LPA: variants seen among roughly 807,000 people sequenced by gnomAD.
The protein encoded by LPA is lipoprotein(a).
LPA carries 199 observed loss-of-function variants against 197.9 expected under a neutral mutation model. The observed-to-expected ratio is 1.01, with a 90% CI of 0.90 to 1.13. The LOEUF (loss-of-function observed/expected upper bound fraction) is 1.13. LPA is among the 50% of genes most tolerant of loss of function. The pLI is 0.00. For synonymous variants in LPA, 715 were observed against 639.5 expected, an observed-to-expected ratio of 1.12 and a Z score of -1.78; for missense variants, 1,853 against 1,785.8, an observed-to-expected ratio of 1.04 and a Z score of -0.68.
intron 16 of LPA, among the ~76,000 whole-genome samples, chr6:160,607,630 C>T (rs148384419): frequency 6.6e-6 from 1 of 152,264 alleles, no homozygotes; most frequent in Non-Finnish European, 1.5e-5. Context: ...TCTATCCTCA[C>T]ATTCATGACC....
At chr6:160,648,788 G>T (rs1050687447) in intron 2 of LPA, among the ~76,000 whole-genome samples, 2 of 151,944 alleles carry the variant, frequency 1.3e-5, no homozygotes, top group Non-Finnish European at 1.5e-5. Context: ...TCTGGATAAG[G>T]TGTCTGTTGC....
chr6:160,562,651 T>C (rs1778382540), intron 28 of LPA, among the ~76,000 whole-genome samples: 3 of 152,216 alleles, frequency 2.0e-5, no homozygotes, highest in African/African-American at 4.8e-5. Context: ...TAGTACTAGC[T>C]CTTCTTTGTA....
chr6:160,547,232 T>G (rs1391961066), intron 32 of LPA, among the ~76,000 whole-genome samples: 2 of 152,152 alleles, frequency 1.3e-5, no homozygotes, highest in African/African-American at 4.8e-5. Context: ...TGGTCCCATC[T>G]GGGGGTGATG....
In LPA at chr6:160,609,676, C is replaced by G. The variant is rs542388467; in HGVS notation, c.2603+1886G>C. Among the ~76,000 whole-genome samples the G allele has an allele frequency of 1.9e-4, 29 of 152,120 alleles. No individual in the cohort carries two copies. The South Asian group carries it at 5.6e-3, about 29-fold the overall frequency. The stretch of plus-strand genomic sequence containing the variant: ...TTGCTCTTTACTGTGACTTGCTTCC[C>G]ACATGCAGGAAATCTTCTTATATTT... On this transcript the variant is annotated intron_variant, in intron 16 of 38. Transcript: ENST00000316300.
intron 26 of LPA, among the ~76,000 whole-genome samples, chr6:160,580,448 A>C (rs1350992181): frequency 6.6e-6 from 1 of 152,164 alleles, no homozygotes; most frequent in Non-Finnish European, 1.5e-5. Context: ...GGTTTGTAGG[A>C]TAGATGCATA....
At chr6:160,569,294 A>G (rs2115022754) in intron 28 of LPA, among the ~76,000 whole-genome samples, 1 of 152,224 alleles carries the variant, frequency 6.6e-6, no homozygotes, top group East Asian at 1.9e-4. Flanking sequence ...ATATAGACCA[A>G]TGGAACAGAA....
intron 2 of LPA, among the ~76,000 whole-genome samples, chr6:160,647,665 A>T (rs1779923193): frequency 6.6e-6 from 1 of 152,204 alleles, no homozygotes; most frequent in Non-Finnish European, 1.5e-5. Context: ...ATCCCTTTGA[A>T]CCCACACATT....
chr6:160,602,230 C>A (rs777900724), intron 18 of LPA, among the ~76,000 whole-genome samples: 8 of 152,150 alleles, frequency 5.3e-5, no homozygotes, highest in Non-Finnish European at 1.0e-4. Flanking sequence ...CTTTTTCTTC[C>A]TTGGCTTCCC....
chr6:160,532,722 A>G, intron 37 of LPA, 73 bp from the exon 38 acceptor site: 1 of 1,007,300 alleles, frequency 9.9e-7, no homozygotes. Flanking sequence ...AGAAGAACAG[A>G]GCAGTGGAGC....
At chr6:160,647,719 A>T (rs1053991753) in intron 2 of LPA, among the ~76,000 whole-genome samples, 1 of 152,226 alleles carries the variant, frequency 6.6e-6, no homozygotes, top group Admixed American at 6.5e-5. Context: ...GAGGTAAGAA[A>T]CTTACAGTGG....
At position 160,556,004 on chromosome 6, in the gene LPA, C is replaced by A. The variant is rs750406053; in HGVS notation, c.4973+21G>T. 29 of 1,569,120 alleles carry A rather than the reference C, an allele frequency of 1.8e-5. No homozygotes were observed. In the East Asian group the frequency reaches 5.4e-4, roughly 29 times the overall value. ...CTTAAGTTGGCTGTTGCTCCTCTTACAAGTAACATCAAAGACATACTCATT... is the reference window on the plus strand; with the variant it reads ...CTTAAGTTGGCTGTTGCTCCTCTTAAAAGTAACATCAAAGACATACTCATT... On this transcript the variant is annotated intron_variant, in intron 30 of 38. Coordinates refer to ENST00000316300, the MANE Select transcript of LPA (RefSeq NM_005577.4).
At position 160,594,032 on chromosome 6, in the gene LPA, T is replaced by C. The variant is rs770212466; in HGVS notation, c.3555A>G (p.Thr1185=). 3.1e-6 allele frequency: 5 copies of C among 1,614,002 alleles called. No homozygotes were observed. Among genetic ancestry groups the C allele is most frequent in the Middle Eastern group, 1.7e-4 (1 of 6,060 alleles). ...AGGACCAAGACTGACATGTCCTTCC[T>C]GTGACAGTGGTAGAGAATGAGCCTC... ...SYRGSFSTTV[T]GRTCQSWSSM... The change falls in exon 22 of 39, where the codon ACA becomes ACG. Residue 1185 remains threonine (T), a synonymous_variant. Coordinates refer to ENST00000316300, the MANE Select transcript of LPA (RefSeq NM_005577.4).
chr6:160,590,416 G>A (rs1365447860), intron 23 of LPA, among the ~76,000 whole-genome samples: 1 of 152,156 alleles, frequency 6.6e-6, no homozygotes, highest in African/African-American at 2.4e-5. Context: ...ACCTGCCTAA[G>A]ATTAAGGTAG....
intron 37 of LPA, among the ~76,000 whole-genome samples, chr6:160,537,140 G>T (rs1454442899): frequency 1.3e-5 from 2 of 152,148 alleles, no homozygotes; most frequent in Non-Finnish European, 2.9e-5. Context: ...TACTGCCAAG[G>T]GGGTAAGGCT....
chr6:160,579,943 A>G lies in LPA; in HGVS notation c.4290-1239T>C, dbSNP rs1778758798. Among the ~76,000 whole-genome samples the G allele has an allele frequency of 2.6e-5, 4 of 152,204 alleles. No individual in the cohort carries two copies. In the South Asian group the frequency reaches 8.3e-4, roughly 31 times the overall value. ...CTTAAATGTAGCTGGATGAGATTTG[A>G]TAAATACATATACTTGTGTAGCCCA... On this transcript the variant is annotated intron_variant, in intron 26 of 38. Coordinates refer to ENST00000316300, the MANE Select transcript of LPA (RefSeq NM_005577.4).
chr6:160,600,025 A>G (rs934492162), intron 19 of LPA, among the ~76,000 whole-genome samples: 3 of 152,244 alleles, frequency 2.0e-5, no homozygotes, highest in Non-Finnish European at 4.4e-5. Flanking sequence ...AAAGCTGAAA[A>G]GCAAGTCTCC....
intron 26 of LPA, among the ~76,000 whole-genome samples, chr6:160,580,487 A>T (rs1778773014): frequency 1.3e-5 from 2 of 152,198 alleles, no homozygotes; most frequent in Admixed American, 1.3e-4. Context: ...AAAGCATCAG[A>T]CTGATTTTTT....
chr6:160,634,503 T>A (rs1182386286), intron 7 of LPA, among the ~76,000 whole-genome samples: 1 of 137,672 alleles, frequency 7.3e-6, no homozygotes, highest in Non-Finnish European at 1.5e-5. Context: ...TGAATTGCAG[T>A]AAAGGAGAAG....
chr6:160,647,557 T>C (rs763429027), intron 2 of LPA, among the ~76,000 whole-genome samples: 1 of 152,214 alleles, frequency 6.6e-6, no homozygotes, highest in Non-Finnish European at 1.5e-5. Context: ...AAGACTTTTT[T>C]TTCTTCCTTG....
Sources: gnomAD v4.1 joint callset for allele counts (sites outside exome capture counted in the v4.1 genomes callset) on GRCh38, gnomAD v4.1.1 for gene constraint, MANE v1.5 for transcripts, NCBI Gene and HGNC (gene_info 2026-07-23, HGNC 2026-07-21) for gene names.